Variants in PTPRD observed in about 807,000 individuals in gnomAD.
PTPRD encodes receptor-type tyrosine-protein phosphatase delta.
PTPRD carries 34 observed loss-of-function variants against 214.5 expected under a neutral mutation model. That is an observed-to-expected ratio of 0.16 (90% CI 0.12 to 0.21). The LOEUF (loss-of-function observed/expected upper bound fraction) is 0.21, where lower values mean the gene tolerates loss of function less well. PTPRD is among the 10% of genes least tolerant of loss of function. PTPRD has a pLI of 1.00. For missense variants in PTPRD, 2,545 were observed against 2,398.7 expected (o/e 1.06, Z -1.27); for synonymous variants, 1,128 against 845.7 (o/e 1.33, Z -5.79).
At chr9:10,061,225 A>G (rs2097773396) in intron 3 of PTPRD, among the ~76,000 whole-genome samples, 1 of 152,008 alleles carries the variant, frequency 6.6e-6, no homozygotes, top group South Asian at 2.1e-4. Context: ...TTCAACAGCC[A>G]TAATAGGGAA....
At chr9:8,714,437 A>G (rs2098407827) in intron 12 of PTPRD, among the ~76,000 whole-genome samples, 1 of 152,082 alleles carries the variant, frequency 6.6e-6, no homozygotes, top group Non-Finnish European at 1.5e-5. Flanking sequence ...TTAAATCCCA[A>G]CATCACTAGC....
chr9:10,606,714 T>C (rs559113228), intron 2 of PTPRD, among the ~76,000 whole-genome samples: 3 of 151,850 alleles, frequency 2.0e-5, no homozygotes, highest in African/African-American at 4.8e-5. Context: ...ACGTATGTCA[T>C]GTTACATGTG....
chr9:10,406,515 T>C (rs1042362817), intron 2 of PTPRD, among the ~76,000 whole-genome samples: 4 of 151,446 alleles, frequency 2.6e-5, no homozygotes, highest in African/African-American at 9.7e-5. Context: ...GAAAAATGCA[T>C]CCATACCCCA....
In PTPRD at chr9:8,909,694, G is replaced by A. The variant is rs535025018; in HGVS notation, c.-104+109003C>T. Among the ~76,000 whole-genome samples the A allele has an allele frequency of 2.6e-3, 399 of 151,984 alleles. 2 individuals carry two copies. Among genetic ancestry groups the A allele is most frequent in the Non-Finnish European group, 4.1e-3 (276 of 67,924 alleles). ...CCTAAGATTGAAAAGAAGCAAAGAC[G>A]TCTTTTATTCAAGATTATTCTGGAA... On this transcript the variant is annotated intron_variant, in intron 11 of 45. Coordinates refer to ENST00000381196, the MANE Select transcript of PTPRD (RefSeq NM_002839.4).
chr9:10,306,230 C>T (rs2096062986), intron 3 of PTPRD, among the ~76,000 whole-genome samples: 2 of 135,080 alleles, frequency 1.5e-5, no homozygotes, highest in African/African-American at 5.8e-5. Context: ...AATGAGAACA[C>T]ATGGACACAG....
chr9:9,600,752 C>G (rs141058274), intron 7 of PTPRD, among the ~76,000 whole-genome samples: 5 of 152,070 alleles, frequency 3.3e-5, no homozygotes, highest in African/African-American at 1.2e-4. Context: ...TCCATCCTTC[C>G]GATTTTATTC....
chr9:9,226,871 T>C (rs934872661), intron 9 of PTPRD, among the ~76,000 whole-genome samples: 3 of 152,120 alleles, frequency 2.0e-5, no homozygotes, highest in African/African-American at 7.2e-5. Flanking sequence ...TATGAAGATA[T>C]GGTCATTGAC....
intron 44 of PTPRD, among the ~76,000 whole-genome samples, chr9:8,323,173 C>G (rs1830152230): frequency 6.6e-6 from 1 of 152,104 alleles, no homozygotes; most frequent in Non-Finnish European, 1.5e-5. Context: ...ACTCTTGAGA[C>G]CTACTGCTTA....
intron 33 of PTPRD, among the ~76,000 whole-genome samples, chr9:8,450,375 T>C (rs375951940): frequency 2.6e-5 from 4 of 152,248 alleles, no homozygotes; most frequent in Middle Eastern, 3.4e-3. Flanking sequence ...TGCCAAGTTA[T>C]CCTAATGCCT....
chr9:9,602,214 A>T (rs2093823980), intron 7 of PTPRD, among the ~76,000 whole-genome samples: 1 of 152,198 alleles, frequency 6.6e-6, no homozygotes, highest in African/African-American at 2.4e-5. Context: ...TTATCATTAA[A>T]CATGTTAATA....
chr9:8,592,442 T>G (rs563927640), intron 14 of PTPRD, among the ~76,000 whole-genome samples: 1 of 152,174 alleles, frequency 6.6e-6, no homozygotes, highest in Admixed American at 6.5e-5. Flanking sequence ...TGCTTGCCAC[T>G]GACATACAAG....
intron 10 of PTPRD, chr9:9,090,971 A>G: frequency 6.4e-7 from 1 of 1,574,328 alleles, no homozygotes; most frequent in Non-Finnish European, 8.6e-7. Flanking sequence ...CGCTGCACTA[A>G]CTGTGCCCGA....
chr9:8,333,976 A>AGAG (rs2131846850), intron 43 of PTPRD, among the ~76,000 whole-genome samples: 1 of 152,350 alleles, frequency 6.6e-6, no homozygotes, highest in East Asian at 1.9e-4. Flanking sequence ...TGAACGAAGA[A>AGAG]GAGTTAACTA....
At chr9:9,760,125 G>C (rs766567492) in intron 6 of PTPRD, among the ~76,000 whole-genome samples, 1 of 152,122 alleles carries the variant, frequency 6.6e-6, no homozygotes, top group South Asian at 2.1e-4. Flanking sequence ...AGTGGATATC[G>C]CTACCCTATT....
intron 8 of PTPRD, among the ~76,000 whole-genome samples, chr9:9,572,767 G>T (rs1193718662): frequency 6.6e-6 from 1 of 150,822 alleles, no homozygotes; most frequent in Non-Finnish European, 1.5e-5. Context: ...ACATTTCAAC[G>T]AATAGTGTAA....
At chr9:10,555,205 T>C (rs181821456) in intron 2 of PTPRD, among the ~76,000 whole-genome samples, 3 of 152,292 alleles carry the variant, frequency 2.0e-5, no homozygotes, top group East Asian at 1.9e-4. Context: ...CCAAATCCTA[T>C]ATTATCCAAT....
chr9:8,764,557 G>T (rs2094588808), intron 11 of PTPRD, among the ~76,000 whole-genome samples: 1 of 152,062 alleles, frequency 6.6e-6, no homozygotes, highest in Non-Finnish European at 1.5e-5. Flanking sequence ...CAGCACTTAG[G>T]AAGGCCAAGG....
chr9:8,928,146 G>C (rs2154277798), intron 11 of PTPRD, among the ~76,000 whole-genome samples: 1 of 152,222 alleles, frequency 6.6e-6, no homozygotes, highest in South Asian at 2.1e-4. Flanking sequence ...CTCCCATTCT[G>C]TAGGTTGACT....
chr9:10,090,912 T>C (rs412585), intron 3 of PTPRD, among the ~76,000 whole-genome samples: 53,287 of 127,366 alleles, frequency 0.42, 10,540 homozygotes, highest in East Asian at 0.57. Flanking sequence ...TGTATATAAA[T>C]GAAATATACA....
Sources: allele counts gnomAD v4.1 joint callset (sites outside exome capture counted in the v4.1 genomes callset), GRCh38; gene constraint gnomAD v4.1.1; transcripts MANE v1.5; gene names NCBI Gene and HGNC (gene_info 2026-07-23, HGNC 2026-07-21).